Variants in PDGFRA observed in about 807,000 individuals in gnomAD.
The protein encoded by PDGFRA is platelet-derived growth factor receptor alpha.
Under a neutral mutation model 121.5 loss-of-function variants are expected in PDGFRA, and 25 were observed. That is an observed-to-expected ratio of 0.21 (90% CI 0.15 to 0.29). The LOEUF (loss-of-function observed/expected upper bound fraction) is 0.29. Among genes scored for constraint, PDGFRA ranks in the 10% least tolerant of loss-of-function variants. PDGFRA has a pLI of 1.00. For missense variants in PDGFRA, 1,008 were observed against 1,345.1 expected (o/e 0.75, Z 3.92); for synonymous variants, 463 against 494.8 (o/e 0.94, Z 0.85).
rs577233093 is a variant in PDGFRA at position 54,248,593 on chromosome 4, G to C, written c.-12-10164G>C. Among the ~76,000 whole-genome samples the C allele has an allele frequency of 6.9e-3, 1,056 of 152,204 alleles. 8 individuals carry two copies. The highest frequency in any genetic ancestry group is 0.024 in the African/African-American group (994 of 41,504). ...AGATGGATTAAAGACTTAAACGTTA[G>C]ACCTAAAACCATAAAAACCCTAGAA... On this transcript the variant is annotated intron_variant, in intron 1 of 22. Transcript: ENST00000257290.
At chr4:54,292,702 A>C (rs908678787) in intron 22 of PDGFRA, among the ~76,000 whole-genome samples, 2 of 152,196 alleles carry the variant, frequency 1.3e-5, no homozygotes, top group African/African-American at 4.8e-5. Flanking sequence ...GAAATTAAAA[A>C]AAGAACAAGA....
At chr4:54,246,758 A>G (rs1345792154) in intron 1 of PDGFRA, among the ~76,000 whole-genome samples, 4 of 151,996 alleles carry the variant, frequency 2.6e-5, no homozygotes, top group Non-Finnish European at 5.9e-5. Context: ...AAACCCTTCA[A>G]AAAATTAATG....
In PDGFRA at chr4:54,267,521, CATT is replaced by C. The variant is rs774402047; in HGVS notation, c.932-27_932-25del. The C allele has an allele frequency of 7.4e-6, 12 of 1,613,722 alleles. No individual in the cohort carries two copies. The African/African-American group carries it at 1.5e-4, about 20-fold the overall frequency. ...CTGCTCGGGATCCATATGTGGTAAT[CATT>C]ATTTAATGGAAACTCTTCCCTGTAC... On this transcript the variant is annotated intron_variant, in intron 6 of 22. Coordinates refer to ENST00000257290, the MANE Select transcript of PDGFRA (RefSeq NM_006206.6).
intron 22 of PDGFRA, among the ~76,000 whole-genome samples, chr4:54,292,088 A>G (rs745949791): frequency 4.6e-5 from 7 of 152,182 alleles, no homozygotes; most frequent in Non-Finnish European, 1.0e-4. Context: ...AATTAGTTCA[A>G]CCATTGTGGA....
chr4:54,274,748 C>A (rs2110298276), intron 11 of PDGFRA, 93 bp from the exon 12 acceptor site: 1 of 1,508,326 alleles, frequency 6.6e-7, no homozygotes, highest in Non-Finnish European at 9.2e-7. Flanking sequence ...CGTTGTTGGA[C>A]TCTACTGTGT....
At chr4:54,242,108 C>G (rs372303236) in intron 1 of PDGFRA, among the ~76,000 whole-genome samples, 1 of 152,184 alleles carries the variant, frequency 6.6e-6, no homozygotes, top group Non-Finnish European at 1.5e-5. Context: ...CAGGCTGTGG[C>G]TCAATAGCTA....
In PDGFRA at chr4:54,281,109, G is replaced by T. The variant is rs528560075; in HGVS notation, c.2323+627G>T. Among the ~76,000 whole-genome samples the T allele has an allele frequency of 7.2e-4, 110 of 152,286 alleles. 6 individuals are homozygous for T. The South Asian group carries it at 0.022, about 30-fold the overall frequency. The stretch of plus-strand genomic sequence containing the variant: ...TTCAAGTACATGAATATGTGGCAGG[G>T]TTAAATTGATTTATAAACTCCAGGG... On this transcript the variant is annotated intron_variant, in intron 16 of 22. Coordinates refer to ENST00000257290, the MANE Select transcript of PDGFRA (RefSeq NM_006206.6).
intron 8 of PDGFRA, 88 bp downstream of exon 8, chr4:54,270,836 A>C (rs1358990311): frequency 1.3e-6 from 1 of 776,104 alleles, no homozygotes; most frequent in African/African-American, 1.7e-5. Context: ...CGGTCATGGA[A>C]GAAAAGCAGC....
At chr4:54,288,482 C>A (rs1724462921) in intron 19 of PDGFRA, among the ~76,000 whole-genome samples, 1 of 152,146 alleles carries the variant, frequency 6.6e-6, no homozygotes, top group African/African-American at 2.4e-5. Flanking sequence ...TTCAGAATTT[C>A]TCCTTGCTTT....
intron 1 of PDGFRA, among the ~76,000 whole-genome samples, chr4:54,250,400 A>T (rs116644280): frequency 0.018 from 2,725 of 152,286 alleles, 76 homozygotes; most frequent in African/African-American, 0.061. Context: ...TCCAAAAGTG[A>T]CATATTTGGC....
chr4:54,241,749 A>G (rs977376888), intron 1 of PDGFRA, among the ~76,000 whole-genome samples: 3 of 151,850 alleles, frequency 2.0e-5, no homozygotes, highest in Non-Finnish European at 1.5e-5. Flanking sequence ...GGGTTTCATC[A>G]TGTTTGTCAG....
At chr4:54,277,189 C>T (rs758200283) in intron 12 of PDGFRA, 199 bp from the exon 13 acceptor site, 20 of 627,388 alleles carry the variant, frequency 3.2e-5, no homozygotes, top group African/African-American at 9.2e-5. Flanking sequence ...AAGTGTTATT[C>T]GACAAAAGCA....
intron 1 of PDGFRA, among the ~76,000 whole-genome samples, chr4:54,244,001 C>T (rs534915088): frequency 1.1e-4 from 16 of 152,314 alleles, no homozygotes; most frequent in Non-Finnish European, 1.5e-4. Flanking sequence ...AAGGCAGCAG[C>T]GAGGCTGGGG....
intron 16 of PDGFRA, chr4:54,281,623 GTC>G: frequency 7.4e-7 from 1 of 1,358,014 alleles, no homozygotes; most frequent in Admixed American, 2.2e-5. Flanking sequence ...AGGAACCTGA[GTC>G]ATGCTCAGGC....
intron 1 of PDGFRA, among the ~76,000 whole-genome samples, chr4:54,241,919 G>A (rs1394512992): frequency 2.0e-5 from 3 of 152,138 alleles, no homozygotes; most frequent in Non-Finnish European, 4.4e-5. Context: ...TTTTCTTCAA[G>A]TATTGGTTTG....
At chr4:54,278,748 G>A (rs910556876) in intron 15 of PDGFRA, 35 of 652,442 alleles carry the variant, frequency 5.4e-5, no homozygotes, top group Admixed American at 4.6e-4. Context: ...GTTTGAATGA[G>A]AGTGAGTTAG....
At chr4:54,278,558 G>A (rs2110317595) in intron 15 of PDGFRA, 43 bp downstream of exon 15, 3 of 1,592,264 alleles carry the variant, frequency 1.9e-6, no homozygotes, top group Non-Finnish European at 2.6e-6. Context: ...TTATCTTACA[G>A]GCATCACAAA....
Position 54,277,879 on chromosome 4 carries a change from A to G in PDGFRA, c.1892-17A>G, listed in dbSNP as rs147313293. On this transcript the variant is annotated splice_polypyrimidine_tract_variant and intron_variant, in intron 13 of 22. Coordinates refer to ENST00000257290, the MANE Select transcript of PDGFRA (RefSeq NM_006206.6). Reference sequence around the variant, plus strand: ...GGTAGCTCAGCTGGACTGATATGTGATTTATTCTTTCAACAGCCACGGCCA... The same window carrying G: ...GGTAGCTCAGCTGGACTGATATGTGGTTTATTCTTTCAACAGCCACGGCCA... The G allele has an allele frequency of 1.3e-4, 196 of 1,561,166 alleles. No homozygotes were observed. The African/African-American group carries it at 2.3e-3, about 18-fold the overall frequency.
chr4:54,269,484 A>C (rs1723207908), intron 7 of PDGFRA, among the ~76,000 whole-genome samples: 1 of 149,250 alleles, frequency 6.7e-6, no homozygotes, highest in African/African-American at 2.5e-5. Flanking sequence ...ATGGGCACAT[A>C]CTATATTTAT....
Sources: gnomAD v4.1 joint callset for allele counts (sites outside exome capture counted in the v4.1 genomes callset) on GRCh38, gnomAD v4.1.1 for gene constraint, MANE v1.5 for transcripts, NCBI Gene and HGNC (gene_info 2026-07-23, HGNC 2026-07-21) for gene names.